Variants in SDF2 observed in about 807,000 individuals in gnomAD.
SDF2 encodes stromal cell derived factor 2, also known as stromal cell-derived factor 2.
A neutral mutation model predicts 20.5 loss-of-function variants in SDF2; 12 were observed. The observed-to-expected ratio is 0.58, with a 90% CI of 0.37 to 0.95. The LOEUF (loss-of-function observed/expected upper bound fraction) is 0.95. SDF2 is among the 40% of genes least tolerant of loss of function. The probability of loss-of-function intolerance (pLI) is 0.01; values close to 1 mark genes in which losing one functional copy is unlikely to be tolerated. For missense variants in SDF2, 238 were observed against 263.1 expected (o/e 0.90, Z 0.66); for synonymous variants, 100 against 101.0 (o/e 0.99, Z 0.06).
Position 28,658,649 on chromosome 17 carries a change from C to T in SDF2, c.151+3077G>A, listed in dbSNP as rs543474397. 3.3e-4 allele frequency among the ~76,000 whole-genome samples: 51 copies of T among 152,282 alleles called. No individual in the cohort carries two copies. The South Asian group carries it at 0.011, about 32-fold the overall frequency. ...CAGAACAAAATGGAGTCTCCTATGT[C>T]TACTTCTTTCTACACAGACACAGTA... On this transcript the variant is annotated intron_variant, in intron 1 of 2. Coordinates refer to ENST00000247020, the MANE Select transcript of SDF2 (RefSeq NM_006923.4).
chr17:28,656,254 G>A (rs1567677307), intron 1 of SDF2: 1 of 151,874 alleles, frequency 6.6e-6, no homozygotes, highest in Admixed American at 6.6e-5. Flanking sequence ...TTGATGGTGA[G>A]CCACTGTGCC....
chr17:28,659,630 A>C (rs867818364), intron 1 of SDF2, among the ~76,000 whole-genome samples: 27 of 141,462 alleles, frequency 1.9e-4, no homozygotes, highest in Middle Eastern at 0.01. Flanking sequence ...GGCGCTCCTC[A>C]CTTCCTAGAC....
intron 2 of SDF2, chr17:28,651,714 C>T (rs974629727): frequency 3.3e-5 from 5 of 152,216 alleles, no homozygotes; most frequent in African/African-American, 1.2e-4. Context: ...TAAATCCCAT[C>T]TTCCTTAAGG....
chr17:28,649,363 C>A, intron 2 of SDF2, 87 bp from the exon 3 acceptor site: 1 of 1,301,704 alleles, frequency 7.7e-7, no homozygotes, highest in Non-Finnish European at 1.1e-6. Context: ...AAGAAGGCCA[C>A]CTTGAAGTAA....
Position 28,661,742 on chromosome 17 carries a change from G to T in SDF2, c.135C>A (p.Asp45Glu), listed in dbSNP as rs138503646. 6.2e-7 allele frequency: 1 copy of T among 1,613,800 alleles called. No homozygotes were observed. The highest frequency in any genetic ancestry group is 8.5e-7 in the Non-Finnish European group (1 of 1,179,824). ...TRHNVRLHSH[D>E]VRYGSGSGQQ... ...CAGCATTACCTGACCCATAGCGCACGTCGTGTGAGTGCAGTCGGACGTTGT... is the reference window on the plus strand; with the variant it reads ...CAGCATTACCTGACCCATAGCGCACTTCGTGTGAGTGCAGTCGGACGTTGT... The change falls in exon 1 of 3, where the codon GAC becomes GAA. Residue 45 changes from aspartate to glutamate, a missense_variant. Coordinates refer to ENST00000247020, the MANE Select transcript of SDF2 (RefSeq NM_006923.4).
At position 28,655,326 on chromosome 17, in the gene SDF2, G is replaced by A. The variant is rs2071951955; in HGVS notation, c.309C>T (p.Leu103=). 1 of 1,614,134 alleles carries A rather than the reference G, an allele frequency of 6.2e-7. No individual in the cohort carries two copies. The highest frequency in any genetic ancestry group is 1.3e-5 in the African/African-American group (1 of 74,946). Residue 103 remains leucine (L), a synonymous_variant, in exon 2 of 3, where the codon CTC becomes CTT. Coordinates refer to ENST00000247020, the MANE Select transcript of SDF2 (RefSeq NM_006923.4). ...GAGGTGAAGTGAAGTGGTGACTATG[G>A]AGGTTTCGGCCAGTGTTGACATGTG... ...RLTHVNTGRN[L]HSHHFTSPLS...
intron 2 of SDF2, among the ~76,000 whole-genome samples, chr17:28,652,122 C>CA (rs2071919046): frequency 6.6e-6 from 1 of 151,848 alleles, no homozygotes; most frequent in South Asian, 2.1e-4. Context: ...AGTGCACTAT[C>CA]ATCACACCTG....
At chr17:28,659,763 G>A (rs554830753) in intron 1 of SDF2, among the ~76,000 whole-genome samples, 67 of 149,914 alleles carry the variant, frequency 4.5e-4, no homozygotes, top group Non-Finnish European at 7.9e-4. Context: ...CAGACGGGGC[G>A]GCCAGGCAGA....
intron 1 of SDF2, among the ~76,000 whole-genome samples, chr17:28,659,608 C>T (rs376851615): frequency 2.0e-4 from 29 of 146,092 alleles, no homozygotes; most frequent in African/African-American, 6.2e-4. Flanking sequence ...CCAGACGGGG[C>T]GGCCAGGCAG....
intron 1 of SDF2, among the ~76,000 whole-genome samples, chr17:28,659,758 G>A (rs1256081955): frequency 5.3e-5 from 8 of 149,984 alleles, no homozygotes; most frequent in African/African-American, 1.5e-4. Flanking sequence ...TATCCCAGAC[G>A]GGGCGGCCAG....
intron 1 of SDF2, among the ~76,000 whole-genome samples, chr17:28,656,924 AATT>A (rs2151583573): frequency 6.6e-6 from 1 of 152,308 alleles, no homozygotes; most frequent in South Asian, 2.1e-4. Context: ...ATAAGTGGTC[AATT>A]ATTATAAACG....
chr17:28,649,370 G>T, intron 2 of SDF2, 94 bp from the exon 3 acceptor site: 1 of 1,232,024 alleles, frequency 8.1e-7, no homozygotes, highest in Non-Finnish European at 1.2e-6. Context: ...CCACCTTGAA[G>T]TAAAAAATCA....
intron 2 of SDF2, 34 bp downstream of exon 2, chr17:28,655,253 C>G: frequency 6.3e-7 from 1 of 1,597,716 alleles, no homozygotes. Context: ...CTGAGTAATG[C>G]AGAGCAGCAA....
At chr17:28,661,239 T>C in intron 1 of SDF2, 1 of 440,800 alleles carries the variant, frequency 2.3e-6, no homozygotes, top group Non-Finnish European at 4.5e-6. Context: ...CAAAGGGTTG[T>C]AGTCAACGAG....
chr17:28,660,153 C>T (rs1170705156), intron 1 of SDF2, among the ~76,000 whole-genome samples: 1 of 152,176 alleles, frequency 6.6e-6, no homozygotes, highest in East Asian at 1.9e-4. Context: ...GCAGGAGAAT[C>T]ACGGGAGCCC....
At chr17:28,653,846 A>C (rs2071933844) in intron 2 of SDF2, among the ~76,000 whole-genome samples, 1 of 152,140 alleles carries the variant, frequency 6.6e-6, no homozygotes, top group Non-Finnish European at 1.5e-5. Flanking sequence ...CAAGGGAATC[A>C]GAAAAAAACT....
At chr17:28,651,779 AGT>A (rs34854649) in intron 2 of SDF2, among the ~76,000 whole-genome samples, 15,490 of 149,810 alleles carry the variant, frequency 0.1, 819 homozygotes, top group South Asian at 0.16. Context: ...TTATTTCAGA[AGT>A]GTGTGTGTGT....
chr17:28,660,791 A>G (rs971569270), intron 1 of SDF2: 4 of 162,220 alleles, frequency 2.5e-5, no homozygotes, highest in African/African-American at 9.6e-5. Flanking sequence ...TTCCTCCCTC[A>G]GCAAACAGCA....
chr17:28,654,255 C>T (rs566688405), intron 2 of SDF2, among the ~76,000 whole-genome samples: 1 of 151,832 alleles, frequency 6.6e-6, no homozygotes, highest in Non-Finnish European at 1.5e-5. Context: ...TGAGCAAGAT[C>T]ACACTACAAC....
Sources: allele counts gnomAD v4.1 joint callset (sites outside exome capture counted in the v4.1 genomes callset), GRCh38; gene constraint gnomAD v4.1.1; transcripts MANE v1.5; gene names NCBI Gene and HGNC (gene_info 2026-07-23, HGNC 2026-07-21).